The following ATXN10 variants were observed in gnomAD, a reference collection of about 807,000 sequenced individuals.
The protein encoded by ATXN10 is ataxin-10.
Under a neutral mutation model 52.9 loss-of-function variants are expected in ATXN10, and 28 were observed. The ratio of observed to expected loss-of-function variants is 0.53; its 90% CI spans 0.39 to 0.73. The LOEUF (loss-of-function observed/expected upper bound fraction) is 0.73, where lower values mean the gene tolerates loss of function less well. ATXN10 is among the 30% of genes least tolerant of loss of function. The probability of loss-of-function intolerance (pLI) is 0.00; values close to 1 mark genes in which losing one functional copy is unlikely to be tolerated. For missense variants in ATXN10, 565 were observed against 577.0 expected (o/e 0.98, Z 0.21); for synonymous variants, 226 against 221.5 (o/e 1.02, Z -0.18).
chr22:45,735,170 T>C (rs765104435), intron 7 of ATXN10, among the ~76,000 whole-genome samples: 1 of 152,162 alleles, frequency 6.6e-6, no homozygotes, highest in Non-Finnish European at 1.5e-5. Flanking sequence ...TGGGCCACCG[T>C]GCCCGGCCAG....
At chr22:45,710,065 A>G (rs1405152411) in intron 5 of ATXN10, among the ~76,000 whole-genome samples, 2 of 152,208 alleles carry the variant, frequency 1.3e-5, no homozygotes, top group African/African-American at 4.8e-5. Context: ...CCTCTGAATC[A>G]TCACACAGTA....
In ATXN10 at chr22:45,715,241, GT is replaced by G. The variant is rs1924400464; in HGVS notation, c.648-3169del. Among the ~76,000 whole-genome samples the G allele has an allele frequency of 6.6e-6, 1 of 151,926 alleles. No homozygotes were observed. Among genetic ancestry groups the G allele is most frequent in the African/African-American group, 2.4e-5 (1 of 41,384 alleles). ...GTCTGTTGCCCACTGTTTAAAAACT[GT>G]TTATATATATTGTCTGGTTTTATGT... On this transcript the variant is annotated intron_variant, in intron 5 of 11. Coordinates refer to ENST00000252934, the MANE Select transcript of ATXN10 (RefSeq NM_013236.4). This position sits in a 1 kb window ranked among gnomAD's most constrained non-coding sequence, Gnocchi z 4.4.
rs992711245 is a variant in ATXN10 at position 45,732,957 on chromosome 22, T to G, written c.894+3367T>G. On this transcript the variant is annotated intron_variant, in intron 7 of 11. Coordinates refer to ENST00000252934, the MANE Select transcript of ATXN10 (RefSeq NM_013236.4). This position sits in a 1 kb window ranked among gnomAD's most constrained non-coding sequence, Gnocchi z 4.5. ...AGCATGTGTTTTTTAATTTATGTAATTGTTTGGCTTTAAAATCCCAAGGTT... is the reference window on the plus strand; with the variant it reads ...AGCATGTGTTTTTTAATTTATGTAAGTGTTTGGCTTTAAAATCCCAAGGTT... Among the ~76,000 whole-genome samples, 1 of 152,248 alleles carries G rather than the reference T, an allele frequency of 6.6e-6. No individual in the cohort carries two copies. The highest frequency in any genetic ancestry group is 1.5e-5 in the Non-Finnish European group (1 of 68,034).
chr22:45,697,120 C>T (rs1252550344), intron 3 of ATXN10, among the ~76,000 whole-genome samples: 1 of 152,132 alleles, frequency 6.6e-6, no homozygotes, highest in Admixed American at 6.6e-5. Context: ...CAACTACCAT[C>T]TCTACCTAAT....
At chr22:45,695,352 A>G (rs1923564324) in intron 3 of ATXN10, among the ~76,000 whole-genome samples, 1 of 151,996 alleles carries the variant, frequency 6.6e-6, no homozygotes, top group Non-Finnish European at 1.5e-5. Context: ...TTGTCATTGT[A>G]ATAACGTCTT....
chr22:45,726,416 C>G (rs1924873640), intron 6 of ATXN10, among the ~76,000 whole-genome samples: 1 of 152,098 alleles, frequency 6.6e-6, no homozygotes, highest in Non-Finnish European at 1.5e-5. Context: ...GAGATTTGTT[C>G]ATTTCCTCTA....
At position 45,790,271 on chromosome 22, in the gene ATXN10, G is replaced by A. The variant is rs576628831; in HGVS notation, c.1174-16688G>A. 3.9e-5 allele frequency among the ~76,000 whole-genome samples: 6 copies of A among 152,126 alleles called. No individual in the cohort carries two copies. Among genetic ancestry groups the A allele is most frequent in the Non-Finnish European group, 5.9e-5 (4 of 67,986 alleles). ...GCTGCAGTCTGGACTGTCTCTTGCC[G>A]GAATGTGTGTGGTTCTTTCAGGAAC... On this transcript the variant is annotated intron_variant, in intron 9 of 11. Transcript: ENST00000252934. This position sits in a 1 kb window ranked among gnomAD's most constrained non-coding sequence, Gnocchi z 4.7.
At chr22:45,815,007 T>C (rs1464664233) in intron 10 of ATXN10, among the ~76,000 whole-genome samples, 1 of 152,010 alleles carries the variant, frequency 6.6e-6, no homozygotes, top group South Asian at 2.1e-4. Flanking sequence ...GCCAAAAAGG[T>C]TGGGGACTGC....
rs1928575572 is a variant in ATXN10, at chr22:45,819,352, A to G, written c.1237+12330A>G. 6.6e-6 allele frequency among the ~76,000 whole-genome samples: 1 copy of G among 152,182 alleles called. No individual in the cohort carries two copies. The highest frequency in any genetic ancestry group is 3.2e-3 in the Middle Eastern group (1 of 316). Reference sequence around the variant, plus strand: ...AGCCTAAAGTATCAGCTCAAAATCCACATGCCTGATGGTTTCCTTCAAATG... The same window carrying G: ...AGCCTAAAGTATCAGCTCAAAATCCGCATGCCTGATGGTTTCCTTCAAATG... On this transcript the variant is annotated intron_variant, in intron 10 of 11. Transcript: ENST00000252934. This position sits in a 1 kb window ranked among gnomAD's most constrained non-coding sequence, Gnocchi z 4.5.
At chr22:45,713,574 A>C (rs1202312364) in intron 5 of ATXN10, among the ~76,000 whole-genome samples, 1 of 152,214 alleles carries the variant, frequency 6.6e-6, no homozygotes, top group East Asian at 1.9e-4. Flanking sequence ...ATGCAGAAAT[A>C]CTGTCACTCT....
At chr22:45,749,949 TG>T (rs1925884748) in intron 9 of ATXN10, among the ~76,000 whole-genome samples, 1 of 152,186 alleles carries the variant, frequency 6.6e-6, no homozygotes, top group Non-Finnish European at 1.5e-5. Flanking sequence ...TACCCCATAC[TG>T]TAGACACAGA....
At chr22:45,765,137 C>G (rs181304176) in intron 9 of ATXN10, among the ~76,000 whole-genome samples, 1 of 152,066 alleles carries the variant, frequency 6.6e-6, no homozygotes. Flanking sequence ...GAAACACTAC[C>G]GGGAGCCAAG....
At chr22:45,777,509 T>G (rs2146849225) in intron 9 of ATXN10, among the ~76,000 whole-genome samples, 1 of 152,366 alleles carries the variant, frequency 6.6e-6, no homozygotes, top group African/African-American at 2.4e-5. Flanking sequence ...TTGTCCTGTC[T>G]GATGATTAAT....
chr22:45,770,421 C>CTAATG lies in ATXN10; in HGVS notation c.1173+29884_1173+29888dup, dbSNP rs1926735983. ...GGGGGGTATGTGATGAATATACACA[C>CTAATG]TAATGGGACACACACGTGTGTTTCT... On this transcript the variant is annotated intron_variant, in intron 9 of 11. Coordinates refer to ENST00000252934, the MANE Select transcript of ATXN10 (RefSeq NM_013236.4). The surrounding 1 kb of genome is among the most constrained non-coding windows in gnomAD (Gnocchi z 4.5). 6.6e-6 allele frequency among the ~76,000 whole-genome samples: 1 copy of CTAATG among 152,174 alleles called. No homozygotes were observed. Among genetic ancestry groups the CTAATG allele is most frequent in the Admixed American group, 6.5e-5 (1 of 15,278 alleles).
In ATXN10 at chr22:45,683,431, C is replaced by T. The variant is rs541641605; in HGVS notation, c.117-6281C>T. Among the ~76,000 whole-genome samples the T allele has an allele frequency of 3.7e-4, 56 of 152,258 alleles. 1 individual carries two copies. In the Middle Eastern group the frequency reaches 0.01, roughly 28 times the overall value. On this transcript the variant is annotated intron_variant, in intron 1 of 11. Coordinates refer to ENST00000252934, the MANE Select transcript of ATXN10 (RefSeq NM_013236.4). This position sits in a 1 kb window ranked among gnomAD's most constrained non-coding sequence, Gnocchi z 4.8. ...GTGGCTCTGTCTTGTCTCTCTGAGT[C>T]GCACTTCTCTTTTCTCACTGGGGTT... is the stretch of plus-strand genomic sequence containing the variant.
Position 45,740,504 on chromosome 22 carries a change from A to G in ATXN10, c.1139A>G (p.Asn380Ser). 1 of 1,613,894 alleles carries G rather than the reference A, an allele frequency of 6.2e-7. No individual in the cohort carries two copies. Among genetic ancestry groups the G allele is most frequent in the Non-Finnish European group, 8.5e-7 (1 of 1,179,892 alleles). Residue 380 changes from asparagine to serine, a missense_variant, in exon 9 of 12, where the codon AAT becomes AGT. Asn to Ser is a conservative substitution (Grantham distance 46, BLOSUM62 1). Coordinates refer to ENST00000252934, the MANE Select transcript of ATXN10 (RefSeq NM_013236.4). ...TCTCATCTCATTCGTCTGATTGGAAATCTGTGTTACAAGAATAAAGATAAC... is the reference window on the plus strand; with the variant it reads ...TCTCATCTCATTCGTCTGATTGGAAGTCTGTGTTACAAGAATAAAGATAAC... ...FKSHLIRLIG[N>S]LCYKNKDNQD...
Position 45,727,714 on chromosome 22 carries a change from T to C in ATXN10, c.729-1711T>C, listed in dbSNP as rs1000348049. 5.3e-5 allele frequency among the ~76,000 whole-genome samples: 8 copies of C among 152,162 alleles called. No individual in the cohort carries two copies. Among genetic ancestry groups the C allele is most frequent in the Non-Finnish European group, 8.8e-5 (6 of 68,026 alleles). On this transcript the variant is annotated intron_variant, in intron 6 of 11. Coordinates refer to ENST00000252934, the MANE Select transcript of ATXN10 (RefSeq NM_013236.4). The surrounding 1 kb of genome is among the most constrained non-coding windows in gnomAD (Gnocchi z 4.6). Reference sequence around the variant, plus strand: ...TTGAGACTTGCTTTGTGGCCTGCCATGTGGTCTGTCTTTTCTTAGGTCTAG... The same window carrying C: ...TTGAGACTTGCTTTGTGGCCTGCCACGTGGTCTGTCTTTTCTTAGGTCTAG...
In ATXN10 at chr22:45,795,668, T is replaced by A. The variant is rs562542068; in HGVS notation, c.1174-11291T>A. On this transcript the variant is annotated intron_variant, in intron 9 of 11. Transcript: ENST00000252934. This position sits in a 1 kb window ranked among gnomAD's most constrained non-coding sequence, Gnocchi z 4.6. ...GCCATGGCAGAAGAACATAAATTGT[T>A]AAGATTTCATGGACATTTATTAGTT... is the stretch of plus-strand genomic sequence containing the variant. 1.2e-4 allele frequency among the ~76,000 whole-genome samples: 19 copies of A among 152,276 alleles called. No individual in the cohort carries two copies. The South Asian group carries it at 3.5e-3, about 28-fold the overall frequency.
intron 3 of ATXN10, among the ~76,000 whole-genome samples, chr22:45,697,141 A>G (rs879501155): frequency 6.7e-6 from 1 of 149,576 alleles, no homozygotes; most frequent in Non-Finnish European, 1.5e-5. Flanking sequence ...TAAAAAAAAA[A>G]TTTTTTTTTT....
Sources: allele counts gnomAD v4.1 joint callset (sites outside exome capture counted in the v4.1 genomes callset), GRCh38; gene constraint gnomAD v4.1.1; non-coding constraint Gnocchi (gnomAD v3.1); transcripts MANE v1.5; gene names NCBI Gene and HGNC (gene_info 2026-07-23, HGNC 2026-07-21).